The following SEMA3D variants were observed in gnomAD, a reference collection of about 807,000 sequenced individuals.
The protein encoded by SEMA3D is semaphorin 3D, also known as semaphorin-3D.
A neutral mutation model predicts 100.1 loss-of-function variants in SEMA3D; 84 were observed. That is an observed-to-expected ratio of 0.84 (90% CI 0.70 to 1.01). The LOEUF is 1.01. Ranked by LOEUF, SEMA3D falls within the 50% of genes least tolerant of loss-of-function variation. The pLI, the probability that SEMA3D is intolerant of heterozygous loss-of-function variation, is 0.00. For synonymous variants in SEMA3D, 312 were observed against 320.7 expected (o/e 0.97, Z 0.29); for missense variants, 875 against 934.1 (o/e 0.94, Z 0.82).
intron 3 of SEMA3D, among the ~76,000 whole-genome samples, chr7:85,121,486 C>T: frequency 1.3e-5 from 2 of 152,144 alleles, no homozygotes; most frequent in Non-Finnish European, 2.9e-5. Context: ...TGTTTTAACA[C>T]CAAACTGTTT....
At chr7:85,149,689 T>C (rs1448815347) in intron 2 of SEMA3D, among the ~76,000 whole-genome samples, 1 of 152,138 alleles carries the variant, frequency 6.6e-6, no homozygotes, top group Non-Finnish European at 1.5e-5. Context: ...CTTACAGTGC[T>C]TCCATTCACT....
At position 85,018,175 on chromosome 7, in the gene SEMA3D, A is replaced by AT. The variant is rs552333084; in HGVS notation, c.1545+76dup. ...AAAATTTAACTCCCAATTTCAATGG[A>AT]TTTTTTTTCAAATAAAGTTTGATTC... On this transcript the variant is annotated intron_variant, in intron 15 of 18. Coordinates refer to ENST00000284136, the MANE Select transcript of SEMA3D (RefSeq NM_001384900.1). 521 of 890,972 alleles carry AT rather than the reference A, an allele frequency of 5.8e-4. 2 individuals carry two copies. In the African/African-American group the frequency reaches 6.5e-3, roughly 11 times the overall value. 55.2% of individuals were successfully genotyped at this position (890,972 alleles called of 1,614,324 possible). A position where few individuals can be genotyped will look rare whatever the true frequency, so the allele number is the denominator to read the frequency against.
In SEMA3D at chr7:85,160,085, T is replaced by A. The variant is rs146181350; in HGVS notation, c.-172-6346A>T. 1.8e-4 allele frequency: 165 copies of A among 915,068 alleles called. 1 individual carries two copies. The East Asian group carries it at 7.2e-3, about 40-fold the overall frequency. 56.7% of individuals were successfully genotyped at this position (915,068 alleles called of 1,614,324 possible). On this transcript the variant is annotated intron_variant, in intron 1 of 18. Transcript: ENST00000284136. Reference sequence around the variant, plus strand: ...ACAGTAATACTGAAAATAATATATATCTCAATTCCACTTTGATAAAATTGA... The same window carrying A: ...ACAGTAATACTGAAAATAATATATAACTCAATTCCACTTTGATAAAATTGA...
chr7:85,042,932 C>G (rs1298124799), intron 9 of SEMA3D, among the ~76,000 whole-genome samples: 2 of 152,098 alleles, frequency 1.3e-5, no homozygotes, highest in South Asian at 4.1e-4. Flanking sequence ...AATGCTGGTA[C>G]TGGCTTGTAT....
chr7:85,006,636 C>G lies in SEMA3D; in HGVS notation c.1908+166G>C, dbSNP rs184585196. 2.7e-3 allele frequency among the ~76,000 whole-genome samples: 409 copies of G among 151,846 alleles called. 4 individuals carry two copies. The highest frequency in any genetic ancestry group is 9.2e-3 in the African/African-American group (382 of 41,436). Reference sequence around the variant, plus strand: ...ACGAATACATTTGTGTGAAGTTGGCCTATTCTTATCTCAAAGCTATTGTTA... The same window carrying G: ...ACGAATACATTTGTGTGAAGTTGGCGTATTCTTATCTCAAAGCTATTGTTA... On this transcript the variant is annotated intron_variant, in intron 18 of 18. Transcript: ENST00000284136.
At chr7:85,110,556 T>A (rs537184777) in intron 3 of SEMA3D, among the ~76,000 whole-genome samples, 9 of 151,964 alleles carry the variant, frequency 5.9e-5, no homozygotes, top group Non-Finnish European at 1.0e-4. Context: ...TAGATAACAG[T>A]TGCAACTGAT....
At chr7:85,201,960 C>A in the SEMA3D span, among the ~76,000 whole-genome samples, 2 of 151,778 alleles carry the variant, frequency 1.3e-5, no homozygotes, top group Admixed American at 6.6e-5. Context: ...GCTCAAGTGA[C>A]CCTCTCACCT....
At chr7:85,038,613 T>C (rs76930208) in intron 11 of SEMA3D, among the ~76,000 whole-genome samples, 6,067 of 152,214 alleles carry the variant, frequency 0.04, 354 homozygotes, top group East Asian at 0.22. Context: ...AAACGAACTA[T>C]CTTGGGGCTA....
intron 12 of SEMA3D, among the ~76,000 whole-genome samples, chr7:85,024,635 A>T (rs1790343041): frequency 1.3e-5 from 2 of 151,880 alleles, no homozygotes; most frequent in African/African-American, 2.4e-5. Flanking sequence ...GAAAATATAT[A>T]TTTTTTCTTA....
At chr7:85,122,907 A>C (rs1789468053) in intron 2 of SEMA3D, among the ~76,000 whole-genome samples, 2 of 152,204 alleles carry the variant, frequency 1.3e-5, no homozygotes, top group Non-Finnish European at 2.9e-5. Context: ...TGTAGAGTCA[A>C]TCAAAACACG....
intron 9 of SEMA3D, among the ~76,000 whole-genome samples, chr7:85,052,920 T>C (rs1290947615): frequency 6.6e-6 from 1 of 151,984 alleles, no homozygotes; most frequent in East Asian, 1.9e-4. Context: ...AATGTTTCTC[T>C]ATTGCCAAAA....
chr7:85,104,881 C>G (rs1337225636), intron 3 of SEMA3D, among the ~76,000 whole-genome samples: 1 of 151,964 alleles, frequency 6.6e-6, no homozygotes, highest in Admixed American at 6.6e-5. Flanking sequence ...AGAAAATCAG[C>G]TTTGGAGAAG....
chr7:85,005,634 T>C (rs1435003656), intron 18 of SEMA3D, among the ~76,000 whole-genome samples: 1 of 152,042 alleles, frequency 6.6e-6, no homozygotes, highest in African/African-American at 2.4e-5. Context: ...TTTTTTTACT[T>C]GAAGGTTTCT....
At position 85,133,564 on chromosome 7, in the gene SEMA3D, A is replaced by T. The variant is rs534155742; in HGVS notation, c.-40-11633T>A. On this transcript the variant is annotated intron_variant, in intron 2 of 18. Transcript: ENST00000284136. ...GTCTCTCAAAATCCTCAATAATTAA[A>T]CTTATTTGTTTTTACCATGTGTTAT... 2.1e-3 allele frequency among the ~76,000 whole-genome samples: 313 copies of T among 151,948 alleles called. 3 individuals are homozygous for T. The highest frequency in any genetic ancestry group is 7.2e-3 in the African/African-American group (297 of 41,484).
At chr7:85,102,685 T>C (rs1156574252) in intron 3 of SEMA3D, among the ~76,000 whole-genome samples, 1 of 151,926 alleles carries the variant, frequency 6.6e-6, no homozygotes, top group Non-Finnish European at 1.5e-5. Flanking sequence ...TGGGGAAAGG[T>C]GGGGTCAGGA....
intron 18 of SEMA3D, among the ~76,000 whole-genome samples, chr7:85,000,402 G>T (rs1188926375): frequency 6.6e-6 from 1 of 152,094 alleles, no homozygotes; most frequent in Non-Finnish European, 1.5e-5. Flanking sequence ...CACCAAATAC[G>T]TTCTGTGAGT....
intron 1 of SEMA3D, among the ~76,000 whole-genome samples, chr7:85,180,159 G>C (rs1203458588): frequency 6.6e-6 from 1 of 152,184 alleles, no homozygotes; most frequent in Non-Finnish European, 1.5e-5. Flanking sequence ...TGTTGGGAGA[G>C]GGACCTCATG....
chr7:85,134,551 T>G (rs1789805789), intron 2 of SEMA3D, among the ~76,000 whole-genome samples: 1 of 151,998 alleles, frequency 6.6e-6, no homozygotes, highest in Non-Finnish European at 1.5e-5. Flanking sequence ...AGATTTTCAT[T>G]TGTACCTTCC....
At position 84,996,885 on chromosome 7, in the gene SEMA3D, A is replaced by G. The variant is rs1789515928; in HGVS notation, c.*2555T>C. The G allele has an allele frequency of 6.6e-6, 1 of 152,122 alleles. No homozygotes were observed. Among genetic ancestry groups the G allele is most frequent in the South Asian group, 2.1e-4 (1 of 4,828 alleles). 9.4% of individuals were successfully genotyped at this position (152,122 alleles called of 1,614,324 possible). On this transcript the variant is annotated 3_prime_UTR_variant, in exon 19 of 19. Transcript: ENST00000284136. The stretch of plus-strand genomic sequence containing the variant: ...GAGGAAGTATATAGTGTGTTTGTGG[A>G]TTTAATATATTCATACTCTTTCTCT...
Sources: gnomAD v4.1 joint callset for allele counts (sites outside exome capture counted in the v4.1 genomes callset) on GRCh38, gnomAD v4.1.1 for gene constraint, MANE v1.5 for transcripts, NCBI Gene and HGNC (gene_info 2026-07-23, HGNC 2026-07-21) for gene names.